The following CTNND2 variants were observed in gnomAD, a reference collection of about 807,000 sequenced individuals.
CTNND2 encodes catenin delta 2, also known as catenin delta-2.
CTNND2 carries 22 observed loss-of-function variants against 144.4 expected under a neutral mutation model. That is an observed-to-expected ratio of 0.15 (90% CI 0.11 to 0.22). The LOEUF (loss-of-function observed/expected upper bound fraction) is 0.22. Ranked by LOEUF, CTNND2 falls within the 10% of genes least tolerant of loss-of-function variation. CTNND2 has a pLI of 1.00. For synonymous variants in CTNND2, 751 were observed against 695.6 expected (o/e 1.08, Z -1.25); for missense variants, 1,353 against 1,618.8 (o/e 0.84, Z 2.82).
intron 3 of CTNND2, among the ~76,000 whole-genome samples, chr5:11,492,503 A>ATGTGTG (rs1388488222): frequency 8.2e-6 from 1 of 122,658 alleles, no homozygotes; most frequent in African/African-American, 3.6e-5. Context: ...ATATATATAT[A>ATGTGTG]TATGTGTGTG....
At chr5:11,802,085 C>A (rs1791716448) in intron 1 of CTNND2, among the ~76,000 whole-genome samples, 2 of 151,924 alleles carry the variant, frequency 1.3e-5, no homozygotes, top group South Asian at 4.2e-4. Context: ...CTAGCCTGGC[C>A]AAAATGGTGA....
chr5:11,398,669 G>A (rs994732112), intron 5 of CTNND2, among the ~76,000 whole-genome samples: 7 of 152,042 alleles, frequency 4.6e-5, no homozygotes, highest in African/African-American at 1.7e-4. Flanking sequence ...AAGTACAAAT[G>A]CAATCCCTTC....
chr5:11,237,968 T>C (rs1048962030), intron 9 of CTNND2, among the ~76,000 whole-genome samples: 3 of 152,228 alleles, frequency 2.0e-5, no homozygotes, highest in Non-Finnish European at 4.4e-5. Context: ...ATTTGCAGAA[T>C]GTTAATACAT....
At chr5:11,589,754 T>C (rs1331487554) in intron 2 of CTNND2, among the ~76,000 whole-genome samples, 1 of 152,206 alleles carries the variant, frequency 6.6e-6, no homozygotes, top group East Asian at 1.9e-4. Context: ...CACTTTTTAT[T>C]GACCTTTGTA....
chr5:11,850,766 T>C (rs535912938), intron 1 of CTNND2, among the ~76,000 whole-genome samples: 2 of 152,324 alleles, frequency 1.3e-5, no homozygotes, highest in Admixed American at 1.3e-4. Context: ...TACTATCCAA[T>C]ATAAACTTCC....
chr5:11,194,144 G>C (rs891106437), intron 11 of CTNND2, among the ~76,000 whole-genome samples: 9 of 152,142 alleles, frequency 5.9e-5, no homozygotes, highest in Non-Finnish European at 1.0e-4. Flanking sequence ...ATGGAGCTCA[G>C]GGAGAAGCCA....
intron 10 of CTNND2, among the ~76,000 whole-genome samples, chr5:11,213,151 A>G (rs1175315863): frequency 6.6e-6 from 1 of 152,116 alleles, no homozygotes; most frequent in Admixed American, 6.5e-5. Flanking sequence ...ATCAACTTAA[A>G]TGTTTTTACT....
intron 16 of CTNND2, among the ~76,000 whole-genome samples, chr5:11,062,825 T>C (rs549208632): frequency 6.6e-6 from 1 of 152,368 alleles, no homozygotes; most frequent in Admixed American, 6.5e-5. Flanking sequence ...TTGCATGTTC[T>C]TTCACACGTT....
intron 12 of CTNND2, among the ~76,000 whole-genome samples, chr5:11,143,407 A>C (rs1390271690): frequency 6.6e-6 from 1 of 152,122 alleles, no homozygotes; most frequent in Non-Finnish European, 1.5e-5. Flanking sequence ...TGTGAAAAAA[A>C]ACTCGTTCTG....
At chr5:11,694,574 C>G (rs1785060202) in intron 2 of CTNND2, among the ~76,000 whole-genome samples, 2 of 152,144 alleles carry the variant, frequency 1.3e-5, no homozygotes, top group African/African-American at 4.8e-5. Context: ...CAGTTAGGTA[C>G]ATGTGTGTCC....
chr5:11,583,618 T>C (rs1778605159), intron 2 of CTNND2, among the ~76,000 whole-genome samples: 1 of 152,260 alleles, frequency 6.6e-6, no homozygotes, highest in Non-Finnish European at 1.5e-5. Flanking sequence ...TTTAATGCGA[T>C]ATTATGGGTA....
chr5:11,889,691 TAC>T (rs1736817582), intron 1 of CTNND2, among the ~76,000 whole-genome samples: 1 of 152,222 alleles, frequency 6.6e-6, no homozygotes, highest in African/African-American at 2.4e-5. Context: ...AATTCTCAGA[TAC>T]AGACATTTCT....
At chr5:11,293,958 C>T (rs561619595) in intron 9 of CTNND2, among the ~76,000 whole-genome samples, 1 of 151,340 alleles carries the variant, frequency 6.6e-6, no homozygotes, top group Non-Finnish European at 1.5e-5. Flanking sequence ...AGCAACAGTT[C>T]TCAGAGTCTC....
At chr5:11,244,019 CTG>C (rs1433040342) in intron 9 of CTNND2, among the ~76,000 whole-genome samples, 1 of 152,094 alleles carries the variant, frequency 6.6e-6, no homozygotes, top group East Asian at 1.9e-4. Flanking sequence ...GTTTTAAAGA[CTG>C]TACCGATTTT....
At chr5:11,638,549 G>T (rs1055059305) in intron 2 of CTNND2, among the ~76,000 whole-genome samples, 9 of 152,084 alleles carry the variant, frequency 5.9e-5, no homozygotes, top group African/African-American at 1.9e-4. Flanking sequence ...GTTGCTAAGT[G>T]CTCACTAGCT....
chr5:11,014,768 G>A (rs1011240330), intron 18 of CTNND2, among the ~76,000 whole-genome samples: 1 of 152,140 alleles, frequency 6.6e-6, no homozygotes, highest in African/African-American at 2.4e-5. Flanking sequence ...ACCTGGGTTC[G>A]ACAAGAAAAT....
intron 1 of CTNND2, among the ~76,000 whole-genome samples, chr5:11,898,132 G>A (rs559735083): frequency 6.6e-6 from 1 of 152,284 alleles, no homozygotes; most frequent in Admixed American, 6.5e-5. Context: ...ACCAAGCTAT[G>A]TCTAATCAAA....
chr5:11,688,507 C>T (rs190610155), intron 2 of CTNND2, among the ~76,000 whole-genome samples: 3 of 152,300 alleles, frequency 2.0e-5, no homozygotes, highest in Admixed American at 6.5e-5. Context: ...TTCAGCAATA[C>T]GATACAGTGA....
intron 3 of CTNND2, among the ~76,000 whole-genome samples, chr5:11,540,218 C>G (rs1269166581): frequency 6.6e-6 from 1 of 152,114 alleles, no homozygotes; most frequent in African/African-American, 2.4e-5. Flanking sequence ...TGCCCTCCTG[C>G]TGCTCACTTC....
Sources: allele counts gnomAD v4.1 joint callset (sites outside exome capture counted in the v4.1 genomes callset), GRCh38; gene constraint gnomAD v4.1.1; transcripts MANE v1.5; gene names NCBI Gene and HGNC (gene_info 2026-07-23, HGNC 2026-07-21).